MYO16: variants seen among roughly 807,000 people sequenced by gnomAD.
MYO16 encodes unconventional myosin-XVI.
In MYO16, 94 loss-of-function variants were observed where a neutral mutation model predicts 205.3. That is an observed-to-expected ratio of 0.46 (90% CI 0.39 to 0.54). The LOEUF (loss-of-function observed/expected upper bound fraction) is 0.54, where lower values mean the gene tolerates loss of function less well. MYO16 is among the 20% of genes least tolerant of loss of function. MYO16 has a pLI of 0.00. For missense variants in MYO16, 2,315 were observed against 2,387.5 expected (o/e 0.97, Z 0.63); for synonymous variants, 988 against 954.0 (o/e 1.04, Z -0.66).
intron 21 of MYO16, among the ~76,000 whole-genome samples, chr13:109,007,891 A>G (rs1885453110): frequency 6.6e-6 from 1 of 152,124 alleles, no homozygotes; most frequent in African/African-American, 2.4e-5. Flanking sequence ...CATCACTAAT[A>G]CGCAATCAGA....
intron 8 of MYO16, among the ~76,000 whole-genome samples, chr13:108,822,451 A>T (rs972385247): frequency 6.6e-6 from 1 of 152,160 alleles, no homozygotes; most frequent in Non-Finnish European, 1.5e-5. Flanking sequence ...TTCTTAATTG[A>T]TATGAATGTT....
At chr13:108,563,241 G>A in the MYO16 span, among the ~76,000 whole-genome samples, 1 of 151,792 alleles carries the variant, frequency 6.6e-6, no homozygotes, top group Admixed American at 6.6e-5. Flanking sequence ...TCTATTTATG[G>A]GGTTTTGATA....
chr13:108,686,121 T>A (rs915889408), intron 2 of MYO16, among the ~76,000 whole-genome samples: 1 of 152,204 alleles, frequency 6.6e-6, no homozygotes, highest in African/African-American at 2.4e-5. Context: ...TCCAGTAGGC[T>A]GAGGGGTAGT....
At chr13:108,773,352 T>C (rs922106404) in intron 4 of MYO16, among the ~76,000 whole-genome samples, 1 of 152,196 alleles carries the variant, frequency 6.6e-6, no homozygotes, top group African/African-American at 2.4e-5. Flanking sequence ...CTTCAAACAA[T>C]AGAAATTTAT....
At chr13:108,794,212 C>T (rs961601878) in intron 6 of MYO16, among the ~76,000 whole-genome samples, 2 of 151,834 alleles carry the variant, frequency 1.3e-5, no homozygotes, top group Admixed American at 1.3e-4. Context: ...ATGACAAACC[C>T]CTAAGGGGTA....
At chr13:109,199,234 A>G (rs1415199524) in intron 34 of MYO16, among the ~76,000 whole-genome samples, 1 of 99,690 alleles carries the variant, frequency 1.0e-5, no homozygotes, top group East Asian at 2.8e-4. Flanking sequence ...ATATATATAT[A>G]TATATACCGT....
At chr13:108,571,709 ATG>A in the MYO16 span, among the ~76,000 whole-genome samples, 1 of 150,972 alleles carries the variant, frequency 6.6e-6, no homozygotes, top group South Asian at 2.1e-4. Flanking sequence ...CCTTGCATAT[ATG>A]TGTGTGTGTG....
intron 6 of MYO16, among the ~76,000 whole-genome samples, chr13:108,805,551 GT>G (rs557957592): frequency 1.7e-4 from 26 of 150,596 alleles, no homozygotes; most frequent in African/African-American, 2.4e-4. Context: ...TACTTTTAAG[GT>G]TTTTTTTTCT....
chr13:109,059,188 T>A (rs1283185108), intron 27 of MYO16, among the ~76,000 whole-genome samples: 3 of 152,186 alleles, frequency 2.0e-5, no homozygotes, highest in Non-Finnish European at 4.4e-5. Context: ...TATTTTTACC[T>A]ACCATAAATC....
upstream of MYO16, among the ~76,000 whole-genome samples, chr13:108,625,602 T>A (rs2139342778): frequency 6.6e-6 from 1 of 152,350 alleles, no homozygotes; most frequent in East Asian, 1.9e-4. Flanking sequence ...TCAGCCATTG[T>A]GTGTGAGACA....
In MYO16 at chr13:109,140,414, C is replaced by A; in HGVS notation, c.4202C>A (p.Ala1401Asp). 1 of 1,578,410 alleles carries A rather than the reference C, an allele frequency of 6.3e-7. No individual in the cohort carries two copies. ...SRPGDARPAG[A>D]PGAAARVLTP... is the part of the protein sequence containing the mutation. ...CCCGGGGACGCGAGGCCCGCGGGCGCCCCGGGGGCAGCAGCGCGCGTTCTG... is the reference window on the plus strand; with the variant it reads ...CCCGGGGACGCGAGGCCCGCGGGCGACCCGGGGGCAGCAGCGCGCGTTCTG... Residue 1401 changes from alanine (A) to aspartate (D), a missense_variant, in exon 32 of 35, where the codon GCC becomes GAC. Physicochemically the swap from Ala to Asp is moderately radical, Grantham distance 126. This residue lies in a region of MYO16 where 1,097 missense variants were observed against 1,092.0 expected (regional missense o/e 1.00). Transcript: ENST00000457511. This position sits in a 1 kb window ranked among gnomAD's most constrained non-coding sequence, Gnocchi z 8.0.
intron 27 of MYO16, among the ~76,000 whole-genome samples, chr13:109,073,748 C>T (rs193072086): frequency 5.3e-5 from 8 of 152,214 alleles, no homozygotes; most frequent in Non-Finnish European, 7.4e-5. Flanking sequence ...TAATCCTCAC[C>T]GGTTAAATAT....
chr13:108,582,815 G>C, the MYO16 span, among the ~76,000 whole-genome samples: 11 of 152,228 alleles, frequency 7.2e-5, no homozygotes, highest in East Asian at 1.9e-4. Context: ...CACGGGCTGG[G>C]TTATTATTTA....
chr13:108,670,157 A>G (rs1482232551), intron 2 of MYO16, among the ~76,000 whole-genome samples: 1 of 152,192 alleles, frequency 6.6e-6, no homozygotes, highest in Non-Finnish European at 1.5e-5. Context: ...AGAGAAGGCA[A>G]TTGATGGAGC....
intron 4 of MYO16, among the ~76,000 whole-genome samples, chr13:108,728,859 C>T (rs67902438): frequency 2.6e-5 from 4 of 152,026 alleles, no homozygotes; most frequent in African/African-American, 9.7e-5. Flanking sequence ...CTCTTCCCCC[C>T]CTCTTAAAAT....
chr13:108,591,137 C>G, the MYO16 span, among the ~76,000 whole-genome samples: 1 of 152,086 alleles, frequency 6.6e-6, no homozygotes, highest in Non-Finnish European at 1.5e-5. Context: ...AGTCCCAGGT[C>G]CCTCACCTCA....
At chr13:109,046,144 TC>T (rs1732428954) in intron 23 of MYO16, among the ~76,000 whole-genome samples, 1 of 152,154 alleles carries the variant, frequency 6.6e-6, no homozygotes, top group African/African-American at 2.4e-5. Context: ...GTTTTGTGTC[TC>T]CCATTATCCA....
chr13:108,666,861 C>T (rs556641284), intron 2 of MYO16, among the ~76,000 whole-genome samples: 70 of 152,168 alleles, frequency 4.6e-4, no homozygotes, highest in African/African-American at 1.6e-3. Flanking sequence ...TATATAGAAC[C>T]CACTTTCCCA....
chr13:109,142,055 A>C (rs1361008471), intron 32 of MYO16, among the ~76,000 whole-genome samples: 1 of 152,230 alleles, frequency 6.6e-6, no homozygotes, highest in South Asian at 2.1e-4. Flanking sequence ...TGTTGCCTGC[A>C]TTCAAAAACA....
Sources: gnomAD v4.1 joint callset for allele counts (sites outside exome capture counted in the v4.1 genomes callset) on GRCh38, gnomAD v4.1.1 for gene constraint, gnomAD v4.1.1 regional missense constraint, Gnocchi (gnomAD v3.1) non-coding constraint, MANE v1.5 for transcripts, NCBI Gene and HGNC (gene_info 2026-07-23, HGNC 2026-07-21) for gene names.